The following PTPRO variants were observed in gnomAD, a reference collection of about 807,000 sequenced individuals.
PTPRO encodes the protein receptor-type tyrosine-protein phosphatase O.
In PTPRO, 62 loss-of-function variants were observed where a neutral mutation model predicts 145.2. That is an observed-to-expected ratio of 0.43 (90% CI 0.35 to 0.53). The LOEUF is 0.53. PTPRO is among the 20% of genes least tolerant of loss of function. The pLI is 0.01. For missense variants in PTPRO, 1,345 were observed against 1,482.7 expected (o/e 0.91, Z 1.53); for synonymous variants, 565 against 514.7 (o/e 1.10, Z -1.32).
At position 15,407,497 on chromosome 12, in the gene PTPRO, C is replaced by A. The variant is rs1939680310; in HGVS notation, c.76-76477C>A. 2.0e-5 allele frequency among the ~76,000 whole-genome samples: 3 copies of A among 152,104 alleles called. No individual in the cohort carries two copies. The South Asian group carries it at 6.2e-4, about 32-fold the overall frequency. On this transcript the variant is annotated intron_variant, in intron 1 of 26. Coordinates refer to ENST00000281171, the MANE Select transcript of PTPRO (RefSeq NM_030667.3). ...GGTACTGTGAGAGAAACAGAAAAAT[C>A]AGAAGATGTATTTCTTCCTTCAGGT...
chr12:15,428,609 A>G (rs560120987), intron 1 of PTPRO, among the ~76,000 whole-genome samples: 24 of 152,304 alleles, frequency 1.6e-4, no homozygotes, highest in African/African-American at 5.3e-4. Context: ...AAAGATGGAA[A>G]ATTATGATTA....
At chr12:15,565,672 A>G (rs373191395) in intron 18 of PTPRO, 44 bp downstream of exon 18, 3 of 1,316,136 alleles carry the variant, frequency 2.3e-6, no homozygotes, top group Non-Finnish European at 3.3e-6. Flanking sequence ...GTTTGTTATA[A>G]TAATCTTAAC....
At chr12:15,579,031 C>A (rs2135639725) in intron 20 of PTPRO, 88 bp downstream of exon 20, 2 of 1,199,160 alleles carry the variant, frequency 1.7e-6, no homozygotes, top group Non-Finnish European at 1.2e-6. Flanking sequence ...CAATCTCTGG[C>A]CATACCCACT....
chr12:15,520,218 G>A lies in PTPRO; in HGVS notation c.1797G>A (p.Leu599=). Residue 599 remains leucine (L), a synonymous_variant, in exon 10 of 27, where the codon CTG becomes CTA. Coordinates refer to ENST00000281171, the MANE Select transcript of PTPRO (RefSeq NM_030667.3). ...LTASVRIANL[L]PAWYYNFRVT... ...TCATTCAGAGAATAGCTAATCTGCT[G>A]CCAGCATGGTACTACAACTTCCGGG... 3.7e-6 allele frequency: 6 copies of A among 1,613,612 alleles called. No individual in the cohort carries two copies. The highest frequency in any genetic ancestry group is 5.1e-6 in the Non-Finnish European group (6 of 1,179,642).
At chr12:15,557,605 G>C in intron 16 of PTPRO, 82 bp downstream of exon 16, 2 of 1,276,640 alleles carry the variant, frequency 1.6e-6, no homozygotes, top group South Asian at 1.2e-5. Flanking sequence ...ATCCTTTGGG[G>C]ATAGTTTTGT....
In PTPRO at chr12:15,502,843, C is replaced by T. The variant is rs561814505; in HGVS notation, c.1105+780C>T. Among the ~76,000 whole-genome samples the T allele has an allele frequency of 8.6e-5, 13 of 151,952 alleles. 2 individuals carry two copies. Among genetic ancestry groups the T allele is most frequent in the African/African-American group, 3.1e-4 (13 of 41,462 alleles). On this transcript the variant is annotated intron_variant, in intron 5 of 26. Transcript: ENST00000281171. ...TATACTTCATTTTCCATTTTCTGAT[C>T]TAGTAGTTTGAGTGGCAGAGGTTAT...
intron 1 of PTPRO, among the ~76,000 whole-genome samples, chr12:15,379,823 G>T (rs771882636): frequency 2.2e-4 from 34 of 152,058 alleles, no homozygotes; most frequent in African/African-American, 8.0e-4. Flanking sequence ...TCTTTTTGGG[G>T]TGATGAAAAT....
intron 19 of PTPRO, among the ~76,000 whole-genome samples, chr12:15,574,796 CAGTAATAG>C (rs1308114901): frequency 6.6e-6 from 1 of 152,108 alleles, no homozygotes. Flanking sequence ...GATTCAGAAA[CAGTAATAG>C]TTATGCTTGG....
At chr12:15,579,456 G>C (rs905059819) in intron 20 of PTPRO, among the ~76,000 whole-genome samples, 1 of 152,170 alleles carries the variant, frequency 6.6e-6, no homozygotes, top group Non-Finnish European at 1.5e-5. Flanking sequence ...TCTGCTACAC[G>C]CTGTGGAGCT....
chr12:15,470,121 TAGA>T (rs1285988353), intron 1 of PTPRO, among the ~76,000 whole-genome samples: 7 of 152,372 alleles, frequency 4.6e-5, no homozygotes, highest in Admixed American at 3.9e-4. Flanking sequence ...AGGCATATTC[TAGA>T]AGAAGTCAGT....
rs1944502497 is a variant in PTPRO at position 15,589,533 on chromosome 12, C to T, written c.3489C>T (p.Asp1163=). Reference sequence around the variant, plus strand: ...ACATTCGGGATCATGAGTTTGTTGACATCTTAGGGCTGGTGTCAGAAATGA... The same window carrying T: ...ACATTCGGGATCATGAGTTTGTTGATATCTTAGGGCTGGTGTCAGAAATGA... ...LQHIRDHEFV[D]ILGLVSEMRS... is the part of the protein sequence containing the mutation. Residue 1163 remains aspartate, a synonymous_variant, in exon 25 of 27, where the codon GAC becomes GAT. Transcript: ENST00000281171. 6.2e-7 allele frequency: 1 copy of T among 1,614,106 alleles called. No homozygotes were observed. The highest frequency in any genetic ancestry group is 8.5e-7 in the Non-Finnish European group (1 of 1,180,000).
chr12:15,360,684 C>A (rs1938147651), intron 1 of PTPRO, among the ~76,000 whole-genome samples: 1 of 150,826 alleles, frequency 6.6e-6, no homozygotes, highest in African/African-American at 2.4e-5. Flanking sequence ...TACAAATTTT[C>A]TCTTATATTT....
intron 7 of PTPRO, among the ~76,000 whole-genome samples, chr12:15,514,746 T>C (rs1351453892): frequency 6.6e-6 from 1 of 151,864 alleles, no homozygotes; most frequent in Non-Finnish European, 1.5e-5. Flanking sequence ...ATTTATTTAT[T>C]TATTTATTTT....
chr12:15,381,953 T>C (rs1938875459), intron 1 of PTPRO, among the ~76,000 whole-genome samples: 1 of 151,982 alleles, frequency 6.6e-6, no homozygotes, highest in Admixed American at 6.6e-5. Flanking sequence ...CTAACAATAA[T>C]AGCCTTTTGT....
chr12:15,472,482 T>C (rs2136418630), intron 1 of PTPRO, among the ~76,000 whole-genome samples: 1 of 152,280 alleles, frequency 6.6e-6, no homozygotes, highest in Non-Finnish European at 1.5e-5. Flanking sequence ...CCTCCGTTGA[T>C]CTAAACACTC....
intron 1 of PTPRO, among the ~76,000 whole-genome samples, chr12:15,473,862 A>G (rs947232196): frequency 3.3e-5 from 5 of 151,788 alleles, no homozygotes; most frequent in Admixed American, 3.3e-4. Flanking sequence ...TTGAGTTCAT[A>G]GTGTTAGCAT....
intron 1 of PTPRO, among the ~76,000 whole-genome samples, chr12:15,384,077 T>A (rs1459009399): frequency 6.6e-6 from 1 of 152,146 alleles, no homozygotes; most frequent in Non-Finnish European, 1.5e-5. Context: ...CAGTTGTCCC[T>A]AAACACAAAA....
intron 6 of PTPRO, among the ~76,000 whole-genome samples, 154 bp from the exon 7 acceptor site, chr12:15,508,417 G>C (rs1942367539): frequency 6.6e-6 from 1 of 152,148 alleles, no homozygotes; most frequent in Non-Finnish European, 1.5e-5. Flanking sequence ...GTTGCAGCTG[G>C]GCAGAGGACC....
chr12:15,496,350 C>T (rs1476973790), intron 2 of PTPRO, among the ~76,000 whole-genome samples: 2 of 151,938 alleles, frequency 1.3e-5, no homozygotes, highest in Non-Finnish European at 1.5e-5. Flanking sequence ...CCATGTTGGT[C>T]AGGCTGGTCT....
Sources: gnomAD v4.1 joint callset for allele counts (sites outside exome capture counted in the v4.1 genomes callset) on GRCh38, gnomAD v4.1.1 for gene constraint, MANE v1.5 for transcripts, NCBI Gene and HGNC (gene_info 2026-07-23, HGNC 2026-07-21) for gene names.